The following CHRM3 variants were observed in gnomAD, a reference collection of about 807,000 sequenced individuals.
The protein encoded by CHRM3 is cholinergic receptor muscarinic 3.
Under a neutral mutation model 41.8 loss-of-function variants are expected in CHRM3, and 11 were observed. That is an observed-to-expected ratio of 0.26 (90% CI 0.17 to 0.44). The LOEUF (loss-of-function observed/expected upper bound fraction) is 0.44, where lower values mean the gene tolerates loss of function less well. Among genes scored for constraint, CHRM3 ranks in the 20% least tolerant of loss-of-function variants. The probability of loss-of-function intolerance (pLI) is 1.00; values close to 1 mark genes in which losing one functional copy is unlikely to be tolerated. For missense variants in CHRM3, 571 were observed against 745.4 expected, an observed-to-expected ratio of 0.77 and a Z score of 2.72; for synonymous variants, 297 against 301.4, an observed-to-expected ratio of 0.99 and a Z score of 0.15.
intron 2 of CHRM3, among the ~76,000 whole-genome samples, chr1:239,516,618 G>T (rs1037216219): frequency 2.0e-5 from 3 of 152,176 alleles, no homozygotes; most frequent in Admixed American, 1.3e-4. Context: ...CTGAAATGAG[G>T]AAAAGCAGTG....
chr1:239,679,437 TC>T, intron 5 of CHRM3, among the ~76,000 whole-genome samples: 1 of 152,076 alleles, frequency 6.6e-6, no homozygotes, highest in Non-Finnish European at 1.5e-5. Flanking sequence ...TTTCTGTACT[TC>T]CTTGGGAAGT....
At chr1:239,500,954 C>A (rs534201800) in intron 2 of CHRM3, among the ~76,000 whole-genome samples, 1 of 152,118 alleles carries the variant, frequency 6.6e-6, no homozygotes, top group East Asian at 1.9e-4. Context: ...CAAATGGACA[C>A]GAAAAGCGGG....
chr1:239,616,783 T>C (rs895279245), intron 3 of CHRM3, among the ~76,000 whole-genome samples: 19 of 151,196 alleles, frequency 1.3e-4, no homozygotes, highest in African/African-American at 4.2e-4. Flanking sequence ...AAGAATGTCA[T>C]GGCTACATTT....
At chr1:239,456,933 T>C (rs1222131116) in intron 1 of CHRM3, among the ~76,000 whole-genome samples, 1 of 152,214 alleles carries the variant, frequency 6.6e-6, no homozygotes, top group Non-Finnish European at 1.5e-5. Context: ...CTTGACAGCT[T>C]ATCTACCTCT....
chr1:239,677,826 G>A (rs1236376630), intron 4 of CHRM3, among the ~76,000 whole-genome samples: 2 of 152,178 alleles, frequency 1.3e-5, no homozygotes, highest in African/African-American at 4.8e-5. Context: ...ATGTCTGTAT[G>A]TTATGTGTAC....
At chr1:239,717,635 G>A (rs1237249253) in intron 5 of CHRM3, among the ~76,000 whole-genome samples, 1 of 151,998 alleles carries the variant, frequency 6.6e-6, no homozygotes, top group Non-Finnish European at 1.5e-5. Flanking sequence ...GGGATTCAAG[G>A]GGGGTGCTTA....
At chr1:239,537,400 G>C (rs1239743090) in intron 2 of CHRM3, among the ~76,000 whole-genome samples, 1 of 151,868 alleles carries the variant, frequency 6.6e-6, no homozygotes, top group East Asian at 1.9e-4. Context: ...CACTTTACGT[G>C]GTGGGAACAA....
At chr1:239,649,490 G>A (rs1245789842) in intron 4 of CHRM3, among the ~76,000 whole-genome samples, 2 of 81,046 alleles carry the variant, frequency 2.5e-5, no homozygotes, top group Admixed American at 1.3e-4. Flanking sequence ...TGGAATTCAG[G>A]AATTCGAGGC....
At chr1:239,642,933 A>T (rs1205933661) in intron 4 of CHRM3, among the ~76,000 whole-genome samples, 2 of 152,102 alleles carry the variant, frequency 1.3e-5, no homozygotes, top group East Asian at 3.9e-4. Context: ...TGATGTACAG[A>T]TGGGTTTTTG....
chr1:239,684,748 GAGAA>G (rs372555411), intron 5 of CHRM3, among the ~76,000 whole-genome samples: 3,678 of 107,790 alleles, frequency 0.034, 125 homozygotes, highest in Non-Finnish European at 0.046. Context: ...GAGAAAGAAA[GAGAA>G]AGAAAGAAAG....
At chr1:239,584,108 CTTTTTTTTTTT>C (rs769127124) in intron 3 of CHRM3, among the ~76,000 whole-genome samples, 3 of 124,424 alleles carry the variant, frequency 2.4e-5, no homozygotes, top group Admixed American at 8.2e-5. Context: ...TCTTCTTCTT[CTTTTTTTTTTT>C]TTTTTTTTTG....
Position 239,399,085 on chromosome 1 carries a change from G to A in CHRM3, c.-521+11858G>A, listed in dbSNP as rs189741916. 2.0e-4 allele frequency among the ~76,000 whole-genome samples: 30 copies of A among 152,298 alleles called. No homozygotes were observed. The East Asian group carries it at 5.0e-3, about 25-fold the overall frequency. On this transcript the variant is annotated intron_variant, in intron 1 of 6. Transcript: ENST00000676153. Reference sequence around the variant, plus strand: ...CCATGGGCAAAGAAAGTAACTTTTAGCCAATGCAAGATATCCTGAAGAAAG... The same window carrying A: ...CCATGGGCAAAGAAAGTAACTTTTAACCAATGCAAGATATCCTGAAGAAAG...
intron 4 of CHRM3, among the ~76,000 whole-genome samples, chr1:239,653,981 A>C (rs923047994): frequency 3.3e-5 from 5 of 152,200 alleles, no homozygotes; most frequent in Non-Finnish European, 7.3e-5. Context: ...AATTTTTACA[A>C]TGCAAAGTCT....
chr1:239,900,857 C>T (rs1418250572), intron 6 of CHRM3, among the ~76,000 whole-genome samples: 1 of 152,156 alleles, frequency 6.6e-6, no homozygotes, highest in East Asian at 1.9e-4. Flanking sequence ...CCATCGTATT[C>T]AGGCGAGCAA....
intron 6 of CHRM3, among the ~76,000 whole-genome samples, chr1:239,835,721 G>T (rs1673259296): frequency 6.6e-6 from 1 of 152,194 alleles, no homozygotes; most frequent in African/African-American, 2.4e-5. Context: ...GAGTGAGGTA[G>T]TATCACATGA....
intron 6 of CHRM3, among the ~76,000 whole-genome samples, chr1:239,873,773 C>A (rs1390249391): frequency 6.6e-6 from 1 of 152,170 alleles, no homozygotes; most frequent in Non-Finnish European, 1.5e-5. Context: ...CTCCCTGCTG[C>A]CATACTTGCC....
rs932767563 is a variant in CHRM3, at chr1:239,912,254, T to A, written c.*3030T>A. 1 of 167,034 alleles carries A rather than the reference T, an allele frequency of 6.0e-6. No individual in the cohort carries two copies. Among genetic ancestry groups the A allele is most frequent in the Non-Finnish European group, 1.5e-5 (1 of 68,182 alleles). The allele number at this position is 167,034 out of a possible 1,614,324, so 10.3% of individuals were successfully genotyped here. On this transcript the variant is annotated 3_prime_UTR_variant, in exon 7 of 7. Coordinates refer to ENST00000676153, the MANE Select transcript of CHRM3 (RefSeq NM_001375978.1). The stretch of plus-strand genomic sequence containing the variant: ...TGCCAGATGGTTAGGAGAAGTGAGC[T>A]CTCTCTGGTCCCCTAGATCCCTCGG...
chr1:239,428,344 C>G (rs531975419), intron 1 of CHRM3, among the ~76,000 whole-genome samples: 16 of 152,298 alleles, frequency 1.1e-4, no homozygotes, highest in African/African-American at 3.9e-4. Context: ...TGGTCTTGGT[C>G]TGGTGCAGTT....
At chr1:239,608,022 G>T (rs1666548882) in intron 3 of CHRM3, among the ~76,000 whole-genome samples, 2 of 152,102 alleles carry the variant, frequency 1.3e-5, no homozygotes, top group African/African-American at 4.8e-5. Flanking sequence ...CTTTTCACTT[G>T]AAGCAATGCC....
Sources: allele counts gnomAD v4.1 joint callset (sites outside exome capture counted in the v4.1 genomes callset), GRCh38; gene constraint gnomAD v4.1.1; transcripts MANE v1.5; gene names NCBI Gene and HGNC (gene_info 2026-07-23, HGNC 2026-07-21).